Variants in ITPA observed in about 807,000 individuals in gnomAD.
ITPA encodes the protein inosine triphosphate pyrophosphatase.
A neutral mutation model predicts 29.6 loss-of-function variants in ITPA; 29 were observed. The observed-to-expected ratio is 0.98, with a 90% CI of 0.73 to 1.34. The LOEUF is 1.34. Among genes scored for constraint, ITPA ranks in the 40% most tolerant of loss-of-function variants. The pLI is 0.00. For synonymous variants in ITPA, 103 were observed against 99.3 expected (o/e 1.04, Z -0.22); for missense variants, 241 against 251.5 (o/e 0.96, Z 0.28).
upstream of ITPA, among the ~76,000 whole-genome samples, chr20:3,208,504 G>C (rs554299069): frequency 6.6e-6 from 1 of 152,236 alleles, no homozygotes; most frequent in South Asian, 2.1e-4. Context: ...TGAATTCTCT[G>C]AACTGGGATT....
At chr20:3,205,347 AAGGGGAGGGG>A (rs147199960), upstream of ITPA, among the ~76,000 whole-genome samples, 1 of 151,086 alleles carries the variant, frequency 6.6e-6, no homozygotes, top group Non-Finnish European at 1.5e-5. Context: ...TTTTGAGGGG[AAGGGGAGGGG>A]AGGGGAGGGC....
At chr20:3,205,699 T>G (rs911542415), upstream of ITPA, among the ~76,000 whole-genome samples, 6 of 151,866 alleles carry the variant, frequency 4.0e-5, no homozygotes, top group African/African-American at 1.5e-4. Context: ...AGACCCTGTC[T>G]CAGAAAATAA....
intron 6 of ITPA, among the ~76,000 whole-genome samples, chr20:3,220,057 A>G (rs531277036): frequency 6.7e-6 from 1 of 148,954 alleles, no homozygotes; most frequent in Admixed American, 6.7e-5. Flanking sequence ...AAAAAAAAAA[A>G]AAAAACAAAC....
chr20:3,218,419 T>C (rs2067366673), intron 5 of ITPA, 98 bp from the exon 6 acceptor site: 5 of 858,576 alleles, frequency 5.8e-6, no homozygotes, highest in Non-Finnish European at 9.8e-6. Context: ...TTTCCCCTTT[T>C]AGGGAATTCC....
intron 4 of ITPA, 57 bp downstream of exon 4, chr20:3,214,115 C>T (rs2067237478): frequency 6.9e-7 from 1 of 1,443,532 alleles, no homozygotes; most frequent in Non-Finnish European, 9.8e-7. Context: ...ACCAGAACTG[C>T]AAAATGATGA....
intron 4 of ITPA, among the ~76,000 whole-genome samples, chr20:3,214,974 G>A (rs2067259717): frequency 6.6e-6 from 1 of 152,144 alleles, no homozygotes; most frequent in African/African-American, 2.4e-5. Flanking sequence ...CTGGGCTCAA[G>A]CTATCCACCT....
At position 3,209,590 on chromosome 20, in the gene ITPA, A is replaced by G. The variant is rs1209429375; in HGVS notation, c.39A>G (p.Val13=). The change falls in exon 1 of 8, where the codon GTA becomes GTG. Residue 13 remains valine, a synonymous_variant. Transcript: ENST00000380113. This position sits in a 1 kb window ranked among gnomAD's most constrained non-coding sequence, Gnocchi z 4.6. ...TGGTGGGGAAGAAGATCGTGTTTGT[A>G]ACGGGGAACGCCAAGAAGCTGGAGG... The part of the protein sequence containing the change: ...ASLVGKKIVF[V]TGNAKKLEEV... The G allele has an allele frequency of 1.2e-6, 2 of 1,613,994 alleles. No homozygotes were observed. The highest frequency in any genetic ancestry group is 2.2e-5 in the East Asian group (1 of 44,868).
upstream of ITPA, among the ~76,000 whole-genome samples, chr20:3,204,942 C>T (rs1188343836): frequency 6.6e-6 from 1 of 152,018 alleles, no homozygotes; most frequent in Non-Finnish European, 1.5e-5. Flanking sequence ...CCTCCACCTC[C>T]CAGGTTCAAG....
upstream of ITPA, chr20:3,204,394 C>A (rs1021463190): frequency 1.1e-5 from 9 of 808,468 alleles, no homozygotes; most frequent in Non-Finnish European, 1.7e-5. Context: ...GAAGCCCCAC[C>A]CGGCACACGA....
downstream of ITPA, among the ~76,000 whole-genome samples, chr20:3,227,259 G>A (rs138796180): frequency 1.3e-5 from 2 of 152,230 alleles, no homozygotes. Flanking sequence ...GATCTTCCAT[G>A]TTTCACTGTT....
chr20:3,225,710 T>G (rs1426448212), downstream of ITPA, among the ~76,000 whole-genome samples: 1 of 152,104 alleles, frequency 6.6e-6, no homozygotes, highest in African/African-American at 2.4e-5. Flanking sequence ...ACTCCATCAA[T>G]GCCCAACCCT....
At position 3,223,412 on chromosome 20, in the gene ITPA, T is replaced by A. The variant is rs1444385510; in HGVS notation, c.535T>A (p.Phe179Ile). 1 of 1,613,838 alleles carries A rather than the reference T, an allele frequency of 6.2e-7. No homozygotes were observed. The highest frequency in any genetic ancestry group is 1.3e-5 in the African/African-American group (1 of 74,950). Residue 179 changes from phenylalanine to isoleucine, a missense_variant, in exon 8 of 8, where the codon TTC becomes ATC. Physicochemically the swap from Phe to Ile is conservative, Grantham distance 21. Transcript: ENST00000380113. ...GGAGAAGAACGCTGTCTCCCATCGC[T>A]TCCGGGCCCTGCTGGAGCTGCAGGA... ...KAEKNAVSHR[F>I]RALLELQEYF...
rs933827300 is a variant in ITPA, at chr20:3,222,248, G to C, written c.488+331G>C. On this transcript the variant is annotated intron_variant, in intron 7 of 7. Coordinates refer to ENST00000380113, the MANE Select transcript of ITPA (RefSeq NM_033453.4). ...TTTTTTTTTTTTTTTTTGAGATGGA[G>C]TTTCACTCTTGTTGCCCAGGCTGGA... 1.3e-4 allele frequency among the ~76,000 whole-genome samples: 19 copies of C among 148,250 alleles called. 1 individual carries two copies. Among genetic ancestry groups the C allele is most frequent in the African/African-American group, 4.5e-4 (18 of 40,018 alleles).
chr20:3,204,420 G>A, upstream of ITPA: 1 of 1,031,590 alleles, frequency 9.7e-7, no homozygotes, highest in East Asian at 2.6e-5. Flanking sequence ...GCACGGACGC[G>A]CATGCGTCCC....
upstream of ITPA, chr20:3,204,431 G>GC (rs532243037): frequency 3.4e-3 from 4,070 of 1,202,766 alleles, 11 homozygotes; most frequent in Non-Finnish European, 4.1e-3. Context: ...CATGCGTCCC[G>GC]CCCGCCCAGG....
upstream of ITPA, chr20:3,204,664 T>G (rs1008922924): frequency 1.9e-6 from 3 of 1,545,520 alleles, no homozygotes; most frequent in African/African-American, 1.4e-5. Flanking sequence ...GCGTCCACCC[T>G]GAGGCCGGGA....
At chr20:3,221,781 C>A in intron 6 of ITPA, 60 bp from the exon 7 acceptor site, 2 of 1,487,710 alleles carry the variant, frequency 1.3e-6, no homozygotes, top group Non-Finnish European at 1.9e-6. Flanking sequence ...CTGGCCACTG[C>A]CCTCCTCGTG....
upstream of ITPA, among the ~76,000 whole-genome samples, chr20:3,206,055 CAAA>C (rs537649838): frequency 3.9e-4 from 23 of 58,850 alleles, no homozygotes; most frequent in African/African-American, 9.5e-4. Context: ...GACTCTGTCT[CAAA>C]AAAAAAAAAA....
intron 3 of ITPA, 86 bp downstream of exon 3, chr20:3,213,469 C>T (rs1450850955): frequency 5.2e-6 from 8 of 1,532,020 alleles, no homozygotes; most frequent in South Asian, 1.1e-5. Context: ...ATAGAGTAGA[C>T]ACAGTTTGTT....
Sources: gnomAD v4.1 joint callset for allele counts (sites outside exome capture counted in the v4.1 genomes callset) on GRCh38, gnomAD v4.1.1 for gene constraint, Gnocchi (gnomAD v3.1) non-coding constraint, MANE v1.5 for transcripts, NCBI Gene and HGNC (gene_info 2026-07-23, HGNC 2026-07-21) for gene names.